The following TNFSF4 variants were observed in gnomAD, a reference collection of about 807,000 sequenced individuals.
TNFSF4 encodes the protein tumor necrosis factor ligand superfamily member 4.
TNFSF4 carries 4 observed loss-of-function variants against 7.3 expected under a neutral mutation model. The observed-to-expected ratio is 0.55, with a 90% CI of 0.27 to 1.25. TNFSF4 has a LOEUF of 1.25. Among genes scored for constraint, TNFSF4 ranks in the 50% most tolerant of loss-of-function variants. TNFSF4 has a pLI of 0.12. For synonymous variants in TNFSF4, 76 were observed against 83.7 expected (o/e 0.91, Z 0.50); for missense variants, 181 against 208.8 (o/e 0.87, Z 0.82).
the TNFSF4 span, among the ~76,000 whole-genome samples, chr1:173,380,225 A>T: frequency 2.0e-5 from 3 of 152,192 alleles, no homozygotes; most frequent in East Asian, 3.9e-4. Context: ...CTTATGCCTG[A>T]AAGTCCCACA....
chr1:173,212,282 A>G (rs1002127758), upstream of TNFSF4, among the ~76,000 whole-genome samples: 14 of 152,202 alleles, frequency 9.2e-5, no homozygotes, highest in Admixed American at 3.3e-4. Context: ...AAATTTCAAC[A>G]TAAGGCTTGG....
At chr1:173,206,944 T>G in intron 1 of TNFSF4, 80 bp downstream of exon 1, 1 of 1,476,744 alleles carries the variant, frequency 6.8e-7, no homozygotes, top group South Asian at 1.4e-5. Context: ...ATAAGATTAT[T>G]TCCAAGCGAC....
the TNFSF4 span, among the ~76,000 whole-genome samples, chr1:173,349,319 C>G: frequency 6.6e-6 from 1 of 152,216 alleles, no homozygotes; most frequent in African/African-American, 2.4e-5. Context: ...TGAGCCACCA[C>G]GCCCGGCCCC....
At chr1:173,352,828 C>G in the TNFSF4 span, among the ~76,000 whole-genome samples, 7 of 152,166 alleles carry the variant, frequency 4.6e-5, no homozygotes, top group Non-Finnish European at 1.0e-4. Flanking sequence ...CATCCCTTAT[C>G]TGTAACTGCA....
chr1:173,230,211 A>G, the TNFSF4 span, among the ~76,000 whole-genome samples: 2 of 152,218 alleles, frequency 1.3e-5, no homozygotes, highest in East Asian at 1.9e-4. Flanking sequence ...AATGTAAAAG[A>G]ACAGAAATTA....
the TNFSF4 span, among the ~76,000 whole-genome samples, chr1:173,421,975 A>G: frequency 2.0e-5 from 3 of 152,192 alleles, no homozygotes; most frequent in African/African-American, 7.2e-5. Flanking sequence ...GTCAACTTGT[A>G]TTCCTCTGCA....
At chr1:173,428,013 T>C in the TNFSF4 span, among the ~76,000 whole-genome samples, 2 of 151,674 alleles carry the variant, frequency 1.3e-5, no homozygotes, top group Middle Eastern at 3.4e-3. Flanking sequence ...AGTGGTGCGA[T>C]CTTGGCTCAC....
chr1:173,186,990 G>C (rs1649256336), intron 2 of TNFSF4, 125 bp from the exon 3 acceptor site: 4 of 666,864 alleles, frequency 6.0e-6, no homozygotes, highest in Non-Finnish European at 9.9e-6. Flanking sequence ...AAGAGTAAAA[G>C]CAGTGAGCCA....
At chr1:173,411,756 CA>C in the TNFSF4 span, among the ~76,000 whole-genome samples, 4 of 151,510 alleles carry the variant, frequency 2.6e-5, no homozygotes, top group African/African-American at 7.3e-5. Context: ...GAGCCAAGAT[CA>C]CACCACTGCA....
chr1:173,190,949 C>T (rs528774551), intron 1 of TNFSF4, among the ~76,000 whole-genome samples: 1 of 152,190 alleles, frequency 6.6e-6, no homozygotes, highest in Non-Finnish European at 1.5e-5. Flanking sequence ...TCAGCACTAG[C>T]TTTCCATGAT....
the TNFSF4 span, among the ~76,000 whole-genome samples, chr1:173,275,706 G>C: frequency 6.6e-6 from 1 of 152,034 alleles, no homozygotes; most frequent in Non-Finnish European, 1.5e-5. Flanking sequence ...GGAACCCCTG[G>C]GGGAAAAAAA....
chr1:173,246,552 C>T, the TNFSF4 span, among the ~76,000 whole-genome samples: 10 of 152,158 alleles, frequency 6.6e-5, no homozygotes, highest in Non-Finnish European at 1.2e-4. Context: ...GACACATATA[C>T]ACCTCTATAC....
the TNFSF4 span, among the ~76,000 whole-genome samples, chr1:173,329,475 T>C: frequency 6.6e-6 from 1 of 152,108 alleles, no homozygotes; most frequent in Non-Finnish European, 1.5e-5. Context: ...AAGCCCATGG[T>C]TAAGGAGGGC....
At chr1:173,243,911 A>T in the TNFSF4 span, among the ~76,000 whole-genome samples, 1 of 152,134 alleles carries the variant, frequency 6.6e-6, no homozygotes, top group African/African-American at 2.4e-5. Flanking sequence ...TTGCTCTGTC[A>T]CCTTAGAGTA....
At chr1:173,421,751 T>G in the TNFSF4 span, among the ~76,000 whole-genome samples, 3 of 152,194 alleles carry the variant, frequency 2.0e-5, no homozygotes, top group Non-Finnish European at 4.4e-5. Flanking sequence ...CAAGGCTACC[T>G]CTAGTAAACT....
At chr1:173,393,661 T>TA in the TNFSF4 span, among the ~76,000 whole-genome samples, 1 of 152,236 alleles carries the variant, frequency 6.6e-6, no homozygotes, top group Non-Finnish European at 1.5e-5. Flanking sequence ...CCAAAGAAGA[T>TA]AAAAAATGCT....
intron 1 of TNFSF4, among the ~76,000 whole-genome samples, chr1:173,200,500 G>T (rs1422898406): frequency 3.3e-5 from 5 of 152,198 alleles, no homozygotes; most frequent in African/African-American, 1.2e-4. Context: ...AGATTAATAT[G>T]CATGGGGGTC....
chr1:173,207,212 G>A lies in TNFSF4; in HGVS notation c.-36C>T. On this transcript the variant is annotated 5_prime_UTR_variant, in exon 1 of 3. Transcript: ENST00000281834. ...TGGGTAGAGGGAAGATGAAGATATG[G>A]AAAAGGGGAACGTGCGATAAAACTG... 1 of 1,572,360 alleles carries A rather than the reference G, an allele frequency of 6.4e-7. No homozygotes were observed. Among genetic ancestry groups the A allele is most frequent in the South Asian group, 1.1e-5 (1 of 87,066 alleles).
the TNFSF4 span, among the ~76,000 whole-genome samples, chr1:173,333,377 C>T: frequency 6.6e-6 from 1 of 152,142 alleles, no homozygotes; most frequent in African/African-American, 2.4e-5. Flanking sequence ...ATTCCTCCTA[C>T]CTGCTGCCTT....
Sources: allele counts gnomAD v4.1 joint callset (sites outside exome capture counted in the v4.1 genomes callset), GRCh38; gene constraint gnomAD v4.1.1; transcripts MANE v1.5; gene names NCBI Gene and HGNC (gene_info 2026-07-23, HGNC 2026-07-21).